The following PRXL2A variants were observed in gnomAD, a reference collection of about 807,000 sequenced individuals.
The protein encoded by PRXL2A is peroxiredoxin-like 2A.
Under a neutral mutation model 25.6 loss-of-function variants are expected in PRXL2A, and 26 were observed. That is an observed-to-expected ratio of 1.02 (90% CI 0.74 to 1.41). The LOEUF is 1.41. PRXL2A is among the 40% of genes most tolerant of loss of function. PRXL2A has a pLI of 0.00. For synonymous variants in PRXL2A, 98 were observed against 102.9 expected (o/e 0.95, Z 0.29); for missense variants, 246 against 273.9 (o/e 0.90, Z 0.72).
intron 1 of PRXL2A, among the ~76,000 whole-genome samples, chr10:80,415,157 G>C (rs951976853): frequency 1.3e-5 from 2 of 152,272 alleles, no homozygotes; most frequent in Non-Finnish European, 2.9e-5. Context: ...CACTGGGTGC[G>C]GTCTGTCCAT....
chr10:80,408,801 C>G (rs913757735), intron 1 of PRXL2A, among the ~76,000 whole-genome samples, 158 bp downstream of exon 1: 5 of 152,144 alleles, frequency 3.3e-5, no homozygotes, highest in East Asian at 1.9e-4. Flanking sequence ...TCTTAGGAGC[C>G]GCCGCAGCGC....
chr10:80,420,365 G>T, intron 1 of PRXL2A, 101 bp from the exon 2 acceptor site: 1 of 1,498,292 alleles, frequency 6.7e-7, no homozygotes, highest in Non-Finnish European at 8.9e-7. Context: ...CCCCTGTCCT[G>T]ACCTCCTGGT....
intron 3 of PRXL2A, among the ~76,000 whole-genome samples, chr10:80,424,032 C>T (rs1046378015): frequency 2.0e-5 from 3 of 152,134 alleles, no homozygotes; most frequent in Non-Finnish European, 4.4e-5. Flanking sequence ...CTTGATTTCT[C>T]GGGGCCATTA....
chr10:80,427,273 C>G lies in PRXL2A; in HGVS notation c.412-59C>G, dbSNP rs1417689773. 4.6e-6 allele frequency: 7 copies of G among 1,515,044 alleles called. No homozygotes were observed. In the Admixed American group the frequency reaches 1.2e-4, roughly 27 times the overall value. The allele number at this position is 1,515,044 out of a possible 1,614,324, so 93.9% of individuals were successfully genotyped here. A position where few individuals can be genotyped will look rare whatever the true frequency, so the allele number is the denominator to read the frequency against. On this transcript the variant is annotated intron_variant, in intron 4 of 5. Transcript: ENST00000606162. ...CAATGCCCCGTCAGGAGCGTTTCCT[C>G]CTTGAGGAAGGCAGGCATGTAGAGT...
At chr10:80,422,849 G>A (rs558742505) in intron 3 of PRXL2A, among the ~76,000 whole-genome samples, 2 of 152,108 alleles carry the variant, frequency 1.3e-5, no homozygotes, top group Non-Finnish European at 2.9e-5. Context: ...ACAGATATAT[G>A]ATGTGCCTGG....
chr10:80,409,193 C>A (rs1366054631), intron 1 of PRXL2A: 1 of 438,762 alleles, frequency 2.3e-6, no homozygotes, highest in Non-Finnish European at 3.0e-6. Context: ...TCCCAAGAGT[C>A]ACAAACGCCT....
chr10:80,424,644 T>TCC (rs1844979504), intron 3 of PRXL2A, among the ~76,000 whole-genome samples: 2 of 151,276 alleles, frequency 1.3e-5, no homozygotes, highest in Admixed American at 6.6e-5. Flanking sequence ...GGCAGGTGGA[T>TCC]CACTTGAGGT....
At chr10:80,408,953 A>G in intron 1 of PRXL2A, 1 of 874,694 alleles carries the variant, frequency 1.1e-6, no homozygotes, top group Non-Finnish European at 1.4e-6. Context: ...CCACGCCCGC[A>G]AGCCTTGAGT....
intron 1 of PRXL2A, among the ~76,000 whole-genome samples, chr10:80,409,329 G>A (rs868720513): frequency 2.0e-5 from 3 of 152,240 alleles, no homozygotes; most frequent in Non-Finnish European, 2.9e-5. Context: ...GGTGGAGATG[G>A]TTAGAGGCAA....
intron 1 of PRXL2A, among the ~76,000 whole-genome samples, chr10:80,414,060 C>T (rs1301832487): frequency 3.9e-5 from 6 of 152,120 alleles, no homozygotes; most frequent in Non-Finnish European, 7.4e-5. Flanking sequence ...TTTTGTTAGA[C>T]TCATAGGATG....
intron 5 of PRXL2A, among the ~76,000 whole-genome samples, chr10:80,429,270 A>G (rs1375616972): frequency 1.3e-5 from 2 of 152,118 alleles, no homozygotes; most frequent in Non-Finnish European, 2.9e-5. Flanking sequence ...CTATTTGCTA[A>G]TTTTCTGGTA....
intron 5 of PRXL2A, among the ~76,000 whole-genome samples, chr10:80,429,594 C>CCTGCT (rs1033156971): frequency 1.6e-5 from 2 of 123,514 alleles, no homozygotes; most frequent in Non-Finnish European, 3.5e-5. Context: ...CCTCTCCTGC[C>CCTGCT]CTGCCCTGCC....
At position 80,434,798 on chromosome 10, in the gene PRXL2A, A is replaced by G. The variant is rs564592204; in HGVS notation, c.*2699A>G. The G allele has an allele frequency of 6.6e-6, 1 of 152,314 alleles. No individual in the cohort carries two copies. Among genetic ancestry groups the G allele is most frequent in the South Asian group, 2.1e-4 (1 of 4,816 alleles). The allele number at this position is 152,314 out of a possible 1,614,324, so 9.4% of individuals were successfully genotyped here. A position where few individuals can be genotyped will look rare whatever the true frequency, so the allele number is the denominator to read the frequency against. On this transcript the variant is annotated 3_prime_UTR_variant, in exon 6 of 6. Transcript: ENST00000606162. ...CGGCCTTATCATTCCTGATAATTATATGACAAAGGGATGGCTCCCAGAAAA... is the reference window on the plus strand; with the variant it reads ...CGGCCTTATCATTCCTGATAATTATGTGACAAAGGGATGGCTCCCAGAAAA...
chr10:80,425,909 T>C lies in PRXL2A; in HGVS notation c.314T>C (p.Leu105Pro), dbSNP rs1164869419. The C allele has an allele frequency of 1.2e-6, 2 of 1,614,256 alleles. No individual in the cohort carries two copies. The highest frequency in any genetic ancestry group is 1.7e-6 in the Non-Finnish European group (2 of 1,180,042). ...LSSLKSMLDQ[L>P]GVPLYAVVKE... is the part of the protein sequence containing the mutation. Reference sequence around the variant, plus strand: ...TCCCTGAAAAGCATGTTGGACCAGCTGGGCGTCCCCCTCTATGCAGTGGTA... The same window carrying C: ...TCCCTGAAAAGCATGTTGGACCAGCCGGGCGTCCCCCTCTATGCAGTGGTA... The change falls in exon 4 of 6, where the codon CTG becomes CCG. Residue 105 changes from leucine to proline, a missense_variant. By Grantham distance (98) the Leu-to-Pro change is moderately conservative. Coordinates refer to ENST00000606162, the MANE Select transcript of PRXL2A (RefSeq NM_032333.5).
At chr10:80,428,551 C>T (rs528700799) in intron 5 of PRXL2A, among the ~76,000 whole-genome samples, 2 of 152,260 alleles carry the variant, frequency 1.3e-5, no homozygotes, top group East Asian at 3.9e-4. Flanking sequence ...CACCCATAGT[C>T]CCAGCTACTT....
In PRXL2A at chr10:80,410,695, CTCAGAG is replaced by C. The variant is rs575067059; in HGVS notation, c.-3+2056_-3+2061del. 1.2e-4 allele frequency among the ~76,000 whole-genome samples: 19 copies of C among 152,384 alleles called. 1 individual carries two copies. The highest frequency in any genetic ancestry group is 9.1e-4 in the Admixed American group (14 of 15,310). ...TGAGGTTCAGAGGGATAAAATAACTCTCAGAGTCAAAGAGAGAAAACCCAGGATTAT... is the reference window on the plus strand; with the variant it reads ...TGAGGTTCAGAGGGATAAAATAACTCTCAAAGAGAGAAAACCCAGGATTAT... On this transcript the variant is annotated intron_variant, in intron 1 of 5. Coordinates refer to ENST00000606162, the MANE Select transcript of PRXL2A (RefSeq NM_032333.5).
chr10:80,422,945 C>G (rs1844921960), intron 3 of PRXL2A, among the ~76,000 whole-genome samples: 1 of 152,182 alleles, frequency 6.6e-6, no homozygotes, highest in Non-Finnish European at 1.5e-5. Flanking sequence ...CCTATTAGAG[C>G]AGACCTGCCT....
intron 5 of PRXL2A, among the ~76,000 whole-genome samples, chr10:80,428,546 A>G (rs1040805003): frequency 1.3e-5 from 2 of 152,160 alleles, no homozygotes; most frequent in Non-Finnish European, 1.5e-5. Flanking sequence ...GTGCGCACCC[A>G]TAGTCCCAGC....
chr10:80,432,668 G>A lies in PRXL2A; in HGVS notation c.*569G>A, dbSNP rs1056672252. ...AAAAAAAAAAAAAATTGATTGCTGT[G>A]CCTCATTACAAATGCATATGATGTT... On this transcript the variant is annotated 3_prime_UTR_variant, in exon 6 of 6. Transcript: ENST00000606162. The A allele has an allele frequency of 2.0e-5, 3 of 150,654 alleles. No homozygotes were observed. Among genetic ancestry groups the A allele is most frequent in the African/African-American group, 7.3e-5 (3 of 40,950 alleles). The allele number at this position is 150,654 out of a possible 1,614,324, so 9.3% of individuals were successfully genotyped here.
Sources: allele counts gnomAD v4.1 joint callset (sites outside exome capture counted in the v4.1 genomes callset), GRCh38; gene constraint gnomAD v4.1.1; transcripts MANE v1.5; gene names NCBI Gene and HGNC (gene_info 2026-07-23, HGNC 2026-07-21).